Variants in NEGR1 observed in about 807,000 individuals in gnomAD.
NEGR1 encodes IgLON family member 4.
Under a neutral mutation model 40.9 loss-of-function variants are expected in NEGR1, and 10 were observed. The observed-to-expected ratio is 0.24, with a 90% CI of 0.15 to 0.42. The LOEUF is 0.42. Ranked by LOEUF, NEGR1 falls within the 10% of genes least tolerant of loss-of-function variation. The pLI is 1.00. For missense variants in NEGR1, 352 were observed against 438.9 expected (o/e 0.80, Z 1.77); for synonymous variants, 185 against 166.8 (o/e 1.11, Z -0.84).
chr1:71,977,246 A>T (rs1234714515), intron 1 of NEGR1, among the ~76,000 whole-genome samples: 1 of 152,130 alleles, frequency 6.6e-6, no homozygotes, highest in Non-Finnish European at 1.5e-5. Flanking sequence ...GAACTGCTTG[A>T]ACCAGGGAGG....
At chr1:71,466,523 A>T (rs1207690144) in intron 6 of NEGR1, among the ~76,000 whole-genome samples, 2 of 152,082 alleles carry the variant, frequency 1.3e-5, no homozygotes, top group Non-Finnish European at 2.9e-5. Flanking sequence ...AAAACAATAG[A>T]GCTGGGGAAT....
intron 1 of NEGR1, among the ~76,000 whole-genome samples, chr1:72,219,885 T>C (rs1319551004): frequency 3.3e-5 from 5 of 152,120 alleles, no homozygotes; most frequent in Non-Finnish European, 7.4e-5. Context: ...TTTATTTTGG[T>C]TGTACAAATA....
chr1:71,956,360 A>T (rs987715038), intron 1 of NEGR1, among the ~76,000 whole-genome samples: 3 of 152,148 alleles, frequency 2.0e-5, no homozygotes, highest in African/African-American at 2.4e-5. Flanking sequence ...ACTTTATTAG[A>T]GGAAATTTTA....
chr1:71,830,357 T>C (rs1291848370), intron 2 of NEGR1, among the ~76,000 whole-genome samples: 1 of 151,906 alleles, frequency 6.6e-6, no homozygotes, highest in Non-Finnish European at 1.5e-5. Flanking sequence ...TTGTGAACCA[T>C]AATATCTGTC....
chr1:72,171,776 G>A (rs1301056997), intron 1 of NEGR1, among the ~76,000 whole-genome samples: 1 of 152,074 alleles, frequency 6.6e-6, no homozygotes, highest in Non-Finnish European at 1.5e-5. Context: ...ATATTTCTAA[G>A]AACAGTTATT....
chr1:71,688,069 G>A (rs1247043701), intron 4 of NEGR1, among the ~76,000 whole-genome samples: 1 of 151,138 alleles, frequency 6.6e-6, no homozygotes, highest in Non-Finnish European at 1.5e-5. Flanking sequence ...ACTGTGCTAG[G>A]TACTGGGAAT....
chr1:72,247,146 T>C (rs1273568845), intron 1 of NEGR1, among the ~76,000 whole-genome samples: 1 of 152,198 alleles, frequency 6.6e-6, no homozygotes, highest in South Asian at 2.1e-4. Flanking sequence ...GGGGCTGTCA[T>C]TAAGGTCTCT....
chr1:71,598,263 T>C (rs939912376), intron 5 of NEGR1, among the ~76,000 whole-genome samples: 29 of 152,226 alleles, frequency 1.9e-4, no homozygotes, highest in African/African-American at 7.0e-4. Flanking sequence ...TCATGGATAC[T>C]TCAAGAAAAT....
At chr1:72,122,053 T>C (rs1649825396) in intron 1 of NEGR1, among the ~76,000 whole-genome samples, 2 of 151,942 alleles carry the variant, frequency 1.3e-5, no homozygotes, top group South Asian at 2.1e-4. Flanking sequence ...ATATGCATAA[T>C]TACAACTTTA....
chr1:71,546,690 T>C (rs1570013174), intron 6 of NEGR1, among the ~76,000 whole-genome samples: 1 of 151,766 alleles, frequency 6.6e-6, no homozygotes, highest in East Asian at 2.0e-4. Context: ...GTGACACAGA[T>C]AGTAAGTGCC....
At chr1:71,666,171 A>T (rs1336069974) in intron 4 of NEGR1, among the ~76,000 whole-genome samples, 1 of 152,108 alleles carries the variant, frequency 6.6e-6, no homozygotes, top group Non-Finnish European at 1.5e-5. Context: ...ACTTACCATC[A>T]CTCAAGAACA....
chr1:72,086,946 T>C (rs1648245573), intron 1 of NEGR1, among the ~76,000 whole-genome samples: 2 of 152,142 alleles, frequency 1.3e-5, no homozygotes, highest in Admixed American at 1.3e-4. Flanking sequence ...TACACTGAAT[T>C]ATAGAGTGAT....
At chr1:72,222,056 T>C (rs1654030962) in intron 1 of NEGR1, among the ~76,000 whole-genome samples, 1 of 151,996 alleles carries the variant, frequency 6.6e-6, no homozygotes, top group Non-Finnish European at 1.5e-5. Context: ...GGCCAGTACC[T>C]GTGAACCCAA....
intron 2 of NEGR1, among the ~76,000 whole-genome samples, chr1:71,830,608 G>T (rs905205396): frequency 6.6e-6 from 1 of 151,862 alleles, no homozygotes; most frequent in African/African-American, 2.4e-5. Context: ...AAGTAAAGCA[G>T]TTAGTTCAAT....
chr1:71,544,908 C>T (rs1278304908), intron 6 of NEGR1, among the ~76,000 whole-genome samples: 1 of 151,696 alleles, frequency 6.6e-6, no homozygotes, highest in Non-Finnish European at 1.5e-5. Context: ...CTTAACCTAA[C>T]CTCTTTCCAG....
At chr1:72,197,709 G>A (rs1373637971) in intron 1 of NEGR1, among the ~76,000 whole-genome samples, 1 of 151,822 alleles carries the variant, frequency 6.6e-6, no homozygotes, top group Non-Finnish European at 1.5e-5. Flanking sequence ...ATTACAACCA[G>A]CGAAAGCATT....
chr1:71,409,413 A>G (rs1646301554), intron 6 of NEGR1, among the ~76,000 whole-genome samples: 1 of 152,054 alleles, frequency 6.6e-6, no homozygotes, highest in Non-Finnish European at 1.5e-5. Context: ...AGCTAAGCAT[A>G]AAAAGCAAAG....
At chr1:72,028,448 A>G (rs1646830576) in intron 1 of NEGR1, among the ~76,000 whole-genome samples, 1 of 152,232 alleles carries the variant, frequency 6.6e-6, no homozygotes, top group African/African-American at 2.4e-5. Flanking sequence ...GAGGTCTGCT[A>G]TATGAGTGTA....
chr1:71,810,473 C>T lies in NEGR1; in HGVS notation c.410-34176G>A, dbSNP rs143801100. Among the ~76,000 whole-genome samples the T allele has an allele frequency of 1.0e-3, 159 of 152,078 alleles. 1 individual carries two copies. Among genetic ancestry groups the T allele is most frequent in the East Asian group, 7.2e-3 (37 of 5,170 alleles). On this transcript the variant is annotated intron_variant, in intron 2 of 6. Transcript: ENST00000357731. ...CTGAAAGAGTATTAATACTGTAATA[C>T]CATATCAAATATACAATATGGAAAC...
Sources: gnomAD v4.1 joint callset for allele counts (sites outside exome capture counted in the v4.1 genomes callset) on GRCh38, gnomAD v4.1.1 for gene constraint, MANE v1.5 for transcripts, NCBI Gene and HGNC (gene_info 2026-07-23, HGNC 2026-07-21) for gene names.